Variants in SPIRE1 observed in about 807,000 individuals in gnomAD.
The protein encoded by SPIRE1 is protein spire homolog 1.
A neutral mutation model predicts 94.1 loss-of-function variants in SPIRE1; 40 were observed. That is an observed-to-expected ratio of 0.43 (90% CI 0.33 to 0.55). The LOEUF is 0.55. Among genes scored for constraint, SPIRE1 ranks in the 20% least tolerant of loss-of-function variants. The pLI, the probability that SPIRE1 is intolerant of heterozygous loss-of-function variation, is 0.06. For missense variants in SPIRE1, 838 were observed against 975.2 expected (o/e 0.86, Z 1.87); for synonymous variants, 376 against 371.7 (o/e 1.01, Z -0.13).
chr18:12,520,998 C>T (rs1462066252), intron 4 of SPIRE1, among the ~76,000 whole-genome samples: 2 of 152,076 alleles, frequency 1.3e-5, no homozygotes, highest in African/African-American at 4.8e-5. Context: ...TGGCTACTGG[C>T]TTGATAAGAG....
chr18:12,611,261 C>CAATA (rs2037133669), intron 2 of SPIRE1, among the ~76,000 whole-genome samples: 1 of 152,190 alleles, frequency 6.6e-6, no homozygotes. Flanking sequence ...GGTTCTTATG[C>CAATA]AGTCCCCTCC....
intron 3 of SPIRE1, among the ~76,000 whole-genome samples, chr18:12,545,550 G>A (rs561695066): frequency 6.6e-6 from 1 of 152,152 alleles, no homozygotes; most frequent in Non-Finnish European, 1.5e-5. Context: ...ATAAATAACT[G>A]AAAACAGAAT....
intron 2 of SPIRE1, among the ~76,000 whole-genome samples, chr18:12,563,321 CT>C (rs201789746): frequency 1.4e-4 from 21 of 147,192 alleles, no homozygotes; most frequent in East Asian, 2.0e-4. Context: ...TTATATTAGT[CT>C]TTTTTTTTTA....
In SPIRE1 at chr18:12,525,926, C is replaced by T. The variant is rs979714417; in HGVS notation, c.729+9550G>A. Reference sequence around the variant, plus strand: ...TGCTCATTAGGGGTGTTACAGAGCTCCCTGAGCAATGAGGCTTAGAGATCA... The same window carrying T: ...TGCTCATTAGGGGTGTTACAGAGCTTCCTGAGCAATGAGGCTTAGAGATCA... On this transcript the variant is annotated intron_variant, in intron 4 of 16. Coordinates refer to ENST00000409402, the MANE Select transcript of SPIRE1 (RefSeq NM_001128626.2). Among the ~76,000 whole-genome samples the T allele has an allele frequency of 3.9e-5, 6 of 152,142 alleles. No individual in the cohort carries two copies. In the South Asian group the frequency reaches 1.2e-3, roughly 32 times the overall value.
At chr18:12,638,487 G>A (rs2037997055) in intron 1 of SPIRE1, among the ~76,000 whole-genome samples, 1 of 152,160 alleles carries the variant, frequency 6.6e-6, no homozygotes, top group South Asian at 2.1e-4. Flanking sequence ...AGTAATCTGA[G>A]AGCTCAAGGA....
chr18:12,470,095 C>T (rs1286992225), intron 10 of SPIRE1, among the ~76,000 whole-genome samples: 1 of 151,718 alleles, frequency 6.6e-6, no homozygotes, highest in Non-Finnish European at 1.5e-5. Context: ...ACATGTGCCA[C>T]CATGCCCAGC....
chr18:12,570,519 T>C (rs989489951), intron 2 of SPIRE1, among the ~76,000 whole-genome samples: 2 of 152,206 alleles, frequency 1.3e-5, no homozygotes, highest in African/African-American at 4.8e-5. Context: ...CCCTTGTCAA[T>C]CAAATAAATG....
At chr18:12,492,107 A>G (rs957497387) in intron 8 of SPIRE1, among the ~76,000 whole-genome samples, 19 of 152,328 alleles carry the variant, frequency 1.2e-4, no homozygotes, top group Admixed American at 1.1e-3. Context: ...CAGATCTGCA[A>G]TGTAGACTGT....
intron 2 of SPIRE1, among the ~76,000 whole-genome samples, chr18:12,609,223 C>T (rs1421158440): frequency 6.6e-6 from 1 of 152,174 alleles, no homozygotes; most frequent in Non-Finnish European, 1.5e-5. Context: ...GGATTGCAGA[C>T]CCCTGCTCTA....
chr18:12,577,338 G>A (rs1169806072), intron 2 of SPIRE1, among the ~76,000 whole-genome samples: 3 of 151,876 alleles, frequency 2.0e-5, no homozygotes, highest in African/African-American at 7.3e-5. Context: ...TAGTAGAGAC[G>A]GGGTTTCACC....
At chr18:12,658,605 T>C (rs917951480), upstream of SPIRE1, 1 of 470,670 alleles carries the variant, frequency 2.1e-6, no homozygotes. Context: ...GGTTGAAAAC[T>C]TGAACCCGCC....
At chr18:12,613,350 T>C (rs188888375) in intron 2 of SPIRE1, among the ~76,000 whole-genome samples, 1 of 152,290 alleles carries the variant, frequency 6.6e-6, no homozygotes, top group East Asian at 1.9e-4. Flanking sequence ...ACCAGACCCT[T>C]TGACATGCTG....
intron 2 of SPIRE1, among the ~76,000 whole-genome samples, chr18:12,565,180 A>G (rs1222225697): frequency 1.3e-5 from 2 of 152,202 alleles, no homozygotes; most frequent in Non-Finnish European, 2.9e-5. Flanking sequence ...TAAAGAAGTT[A>G]AAAGGACAAA....
At chr18:12,627,507 C>A (rs892386020) in intron 2 of SPIRE1, among the ~76,000 whole-genome samples, 8 of 152,094 alleles carry the variant, frequency 5.3e-5, no homozygotes, top group Non-Finnish European at 1.0e-4. Flanking sequence ...GTGAATAGTG[C>A]CACAGTAAAC....
chr18:12,552,581 C>T (rs1487672477), intron 2 of SPIRE1, among the ~76,000 whole-genome samples: 1 of 152,042 alleles, frequency 6.6e-6, no homozygotes, highest in Admixed American at 6.6e-5. Flanking sequence ...CGGCACCACA[C>T]CCTGGGCCTG....
chr18:12,572,195 G>A (rs2035974480), intron 2 of SPIRE1, among the ~76,000 whole-genome samples: 1 of 151,962 alleles, frequency 6.6e-6, no homozygotes. Flanking sequence ...GGCTTGGGGG[G>A]GTCAATTACA....
At chr18:12,590,212 TAA>T (rs2036493804) in intron 2 of SPIRE1, among the ~76,000 whole-genome samples, 1 of 151,996 alleles carries the variant, frequency 6.6e-6, no homozygotes, top group Non-Finnish European at 1.5e-5. Flanking sequence ...CTTAGCCTCC[TAA>T]GTATCTGAGA....
intron 1 of SPIRE1, among the ~76,000 whole-genome samples, chr18:12,647,511 G>A (rs148872046): frequency 6.6e-6 from 1 of 152,276 alleles, no homozygotes; most frequent in Non-Finnish European, 1.5e-5. Flanking sequence ...ACCACTGTGG[G>A]AAGCTGAGGC....
intron 2 of SPIRE1, among the ~76,000 whole-genome samples, chr18:12,576,374 A>G (rs2036097246): frequency 6.6e-6 from 1 of 151,478 alleles, no homozygotes; most frequent in South Asian, 2.1e-4. Flanking sequence ...GAGACGGGTG[A>G]AACTCAAGAC....
Sources: allele counts gnomAD v4.1 joint callset (sites outside exome capture counted in the v4.1 genomes callset), GRCh38; gene constraint gnomAD v4.1.1; transcripts MANE v1.5; gene names NCBI Gene and HGNC (gene_info 2026-07-23, HGNC 2026-07-21).